FAM210A: variants seen among roughly 807,000 people sequenced by gnomAD.
FAM210A encodes family with sequence similarity 210 member A.
A neutral mutation model predicts 25.3 loss-of-function variants in FAM210A; 13 were observed. That is an observed-to-expected ratio of 0.51 (90% CI 0.33 to 0.82). FAM210A has a LOEUF of 0.82. FAM210A is among the 40% of genes least tolerant of loss of function. The pLI, the probability that FAM210A is intolerant of heterozygous loss-of-function variation, is 0.02. For synonymous variants in FAM210A, 125 were observed against 118.7 expected (o/e 1.05, Z -0.35); for missense variants, 319 against 323.2 (o/e 0.99, Z 0.10).
In FAM210A at chr18:13,687,298, C is replaced by A. The variant is rs186956403; in HGVS notation, c.-28-5193G>T. On this transcript the variant is annotated intron_variant, in intron 1 of 3. Coordinates refer to ENST00000651643, the MANE Select transcript of FAM210A (RefSeq NM_152352.4). ...GCAGGAGAGGGCTCTTTCCCACCCA[C>A]TAGAGATGTCAGGTGATGGTTCAGC... is the stretch of plus-strand genomic sequence containing the variant. Among the ~76,000 whole-genome samples the A allele has an allele frequency of 1.6e-3, 239 of 152,206 alleles. 3 individuals carry two copies. Among genetic ancestry groups the A allele is most frequent in the Non-Finnish European group, 1.0e-4 (7 of 68,018 alleles).
intron 2 of FAM210A, among the ~76,000 whole-genome samples, chr18:13,680,581 T>C (rs1383032960): frequency 6.6e-6 from 1 of 152,214 alleles, no homozygotes; most frequent in Non-Finnish European, 1.5e-5. Flanking sequence ...ACTTATAGCT[T>C]AGTCTGCAAT....
At chr18:13,712,982 T>C (rs969845091) in intron 1 of FAM210A, among the ~76,000 whole-genome samples, 1 of 152,198 alleles carries the variant, frequency 6.6e-6, no homozygotes, top group Non-Finnish European at 1.5e-5. Flanking sequence ...TTTGCCGCCC[T>C]GGCTTTCCTC....
chr18:13,709,167 C>T (rs1221972090), intron 1 of FAM210A, among the ~76,000 whole-genome samples: 1 of 152,132 alleles, frequency 6.6e-6, no homozygotes, highest in East Asian at 1.9e-4. Flanking sequence ...ATAAGCTGAC[C>T]ATATATATGG....
chr18:13,708,232 G>C (rs963005233), intron 1 of FAM210A, among the ~76,000 whole-genome samples: 2 of 152,228 alleles, frequency 1.3e-5, no homozygotes, highest in South Asian at 4.1e-4. Context: ...AAATATTGCA[G>C]AGGATACAGA....
At chr18:13,691,043 G>C (rs1336621068) in intron 1 of FAM210A, among the ~76,000 whole-genome samples, 2 of 152,190 alleles carry the variant, frequency 1.3e-5, no homozygotes, top group South Asian at 2.1e-4. Flanking sequence ...AGAATAAACA[G>C]TGAAGAGAAG....
In FAM210A at chr18:13,689,580, G is replaced by A. The variant is rs976696844; in HGVS notation, c.-28-7475C>T. On this transcript the variant is annotated intron_variant, in intron 1 of 3. Coordinates refer to ENST00000651643, the MANE Select transcript of FAM210A (RefSeq NM_152352.4). ...GGTGGGAGGCTGGACGCTCGCCCCC[G>A]TGGCTGGGAACAAGGCAAAGATGAC... 3.9e-5 allele frequency among the ~76,000 whole-genome samples: 6 copies of A among 152,124 alleles called. No individual in the cohort carries two copies. In the South Asian group the frequency reaches 6.2e-4, roughly 16 times the overall value.
At chr18:13,705,412 G>A (rs928848321) in intron 1 of FAM210A, among the ~76,000 whole-genome samples, 8 of 152,064 alleles carry the variant, frequency 5.3e-5, no homozygotes, top group African/African-American at 1.7e-4. Context: ...GACTCATCAC[G>A]GAAAATATAA....
At chr18:13,698,351 CA>C (rs11464991) in intron 1 of FAM210A, among the ~76,000 whole-genome samples, 1,625 of 72,848 alleles carry the variant, frequency 0.022, 7 homozygotes, top group Middle Eastern at 0.038. Flanking sequence ...GACTCCATCT[CA>C]AAAAAAAAAA....
intron 1 of FAM210A, among the ~76,000 whole-genome samples, chr18:13,720,326 T>C (rs1389001759): frequency 1.3e-5 from 2 of 152,136 alleles, no homozygotes; most frequent in East Asian, 1.9e-4. Flanking sequence ...CCTGTACCTG[T>C]TGTAGAGGCG....
At chr18:13,709,818 C>T (rs371059014) in intron 1 of FAM210A, among the ~76,000 whole-genome samples, 4 of 152,138 alleles carry the variant, frequency 2.6e-5, no homozygotes, top group Non-Finnish European at 2.9e-5. Context: ...GAAAGTGAAC[C>T]CAAGTTATTG....
intron 1 of FAM210A, among the ~76,000 whole-genome samples, chr18:13,684,918 C>G (rs550814278): frequency 6.6e-6 from 1 of 152,252 alleles, no homozygotes; most frequent in South Asian, 2.1e-4. Flanking sequence ...GAACTCCCCC[C>G]ACTCCCAATT....
At chr18:13,718,730 A>G (rs1420194361) in intron 1 of FAM210A, among the ~76,000 whole-genome samples, 1 of 152,224 alleles carries the variant, frequency 6.6e-6, no homozygotes, top group Non-Finnish European at 1.5e-5. Flanking sequence ...TAGCAATAGG[A>G]ATTTACTTGA....
chr18:13,682,132 T>G, intron 1 of FAM210A, 27 bp from the exon 2 acceptor site: 1 of 1,419,146 alleles, frequency 7.0e-7, no homozygotes, highest in Non-Finnish European at 9.6e-7. Context: ...TCAAAAAAAT[T>G]AGGTAATACT....
At chr18:13,681,271 C>T (rs1265679583) in intron 2 of FAM210A, among the ~76,000 whole-genome samples, 1 of 152,188 alleles carries the variant, frequency 6.6e-6, no homozygotes, top group Non-Finnish European at 1.5e-5. Context: ...GGCACCACTT[C>T]TTAGCAACTG....
intron 1 of FAM210A, among the ~76,000 whole-genome samples, chr18:13,682,989 T>C (rs758785530): frequency 9.9e-5 from 15 of 152,202 alleles, no homozygotes; most frequent in Non-Finnish European, 1.2e-4. Flanking sequence ...ATAGAAGCAG[T>C]GTAGTATAGT....
chr18:13,712,138 A>C (rs1416733323), intron 1 of FAM210A, among the ~76,000 whole-genome samples: 1 of 152,228 alleles, frequency 6.6e-6, no homozygotes, highest in African/African-American at 2.4e-5. Flanking sequence ...AATAATGGTG[A>C]AAAGACCCCA....
chr18:13,666,553 T>A lies in FAM210A; in HGVS notation c.746A>T (p.Glu249Val). ...TKELITEKMEETKDRLTEKLQ... is the reference protein window; with the variant it reads ...TKELITEKMEVTKDRLTEKLQ... The stretch of plus-strand genomic sequence containing the variant: ...CTTTTCAGTGAGTCTATCTTTTGTT[T>A]CTTCCATTTTCTCTGTGATAAGCTC... The change falls in exon 4 of 4, where the codon GAA (glutamate) becomes GTA (valine). Residue 249 changes from glutamate to valine, a missense_variant. By Grantham distance (121) the Glu-to-Val change is moderately radical. Coordinates refer to ENST00000651643, the MANE Select transcript of FAM210A (RefSeq NM_152352.4). 1 of 1,614,226 alleles carries A rather than the reference T, an allele frequency of 6.2e-7. No individual in the cohort carries two copies. The highest frequency in any genetic ancestry group is 8.5e-7 in the Non-Finnish European group (1 of 1,180,036).
At chr18:13,673,124 T>C (rs539164139) in intron 2 of FAM210A, among the ~76,000 whole-genome samples, 1 of 151,988 alleles carries the variant, frequency 6.6e-6, no homozygotes, top group African/African-American at 2.4e-5. Flanking sequence ...CCATGACTTA[T>C]TTCCAGTTTC....
chr18:13,704,636 G>A (rs1292614808), intron 1 of FAM210A, among the ~76,000 whole-genome samples: 1 of 152,162 alleles, frequency 6.6e-6, no homozygotes, highest in East Asian at 1.9e-4. Context: ...GCATCCAAAA[G>A]AGAGGTAAGC....
Sources: allele counts gnomAD v4.1 joint callset (sites outside exome capture counted in the v4.1 genomes callset), GRCh38; gene constraint gnomAD v4.1.1; transcripts MANE v1.5; gene names NCBI Gene and HGNC (gene_info 2026-07-23, HGNC 2026-07-21).